The following LATS1 variants were observed in gnomAD, a reference collection of about 807,000 sequenced individuals.
The protein encoded by LATS1 is large tumor suppressor kinase 1, also known as serine/threonine-protein kinase LATS1.
Under a neutral mutation model 106.6 loss-of-function variants are expected in LATS1, and 25 were observed. The observed-to-expected ratio is 0.23, with a 90% CI of 0.17 to 0.33. The LOEUF is 0.33. Among genes scored for constraint, LATS1 ranks in the 10% least tolerant of loss-of-function variants. LATS1 has a pLI of 1.00. For missense variants in LATS1, 1,040 were observed against 1,382.6 expected (o/e 0.75, Z 3.93); for synonymous variants, 465 against 455.6 (o/e 1.02, Z -0.26).
chr6:149,673,061 T>C (rs1781525343), intron 7 of LATS1, among the ~76,000 whole-genome samples: 1 of 151,202 alleles, frequency 6.6e-6, no homozygotes, highest in African/African-American at 2.4e-5. Context: ...ATAGGGGAAG[T>C]TTTTATTTTT....
chr6:149,684,181 G>A lies in LATS1; in HGVS notation c.908C>T (p.Pro303Leu). ...PGAWQEGYPP[P>L]PLNTSPMNPP... is the part of the protein sequence containing the mutation. ...ATTCATGGGGGAAGTGTTGAGAGGT[G>A]GTGGAGGATAGCCCTCTTGCCATGC... The change falls in exon 4 of 8, where the codon CCA (proline) becomes CTA (leucine). Residue 303 changes from proline to leucine, a missense_variant. Physicochemically the swap from Pro to Leu is moderately conservative, Grantham distance 98. Around this residue, in one of 7 missense-constraint regions of LATS1, gnomAD observed 624 missense variants for 714.8 expected, o/e 0.87. Coordinates refer to ENST00000543571, the MANE Select transcript of LATS1 (RefSeq NM_004690.4). 8.1e-6 allele frequency: 13 copies of A among 1,614,216 alleles called. No individual in the cohort carries two copies. Among genetic ancestry groups the A allele is most frequent in the Non-Finnish European group, 1.1e-5 (13 of 1,180,046 alleles).
intron 7 of LATS1, chr6:149,675,864 CT>C (rs1562324777): frequency 6.1e-6 from 1 of 164,876 alleles, no homozygotes; most frequent in Non-Finnish European, 1.3e-5. Context: ...GCCTAAAGAC[CT>C]TTTTGAGAAT....
At chr6:149,694,673 C>T (rs759490233) in intron 3 of LATS1, among the ~76,000 whole-genome samples, 1 of 151,950 alleles carries the variant, frequency 6.6e-6, no homozygotes, top group Admixed American at 6.6e-5. Context: ...ACAAAATACA[C>T]CAAAATATTG....
At chr6:149,674,188 C>T (rs1781590450) in intron 7 of LATS1, among the ~76,000 whole-genome samples, 1 of 151,648 alleles carries the variant, frequency 6.6e-6, no homozygotes, top group Admixed American at 6.6e-5. Flanking sequence ...AATCCCCGTG[C>T]CTCAGCCTCC....
At chr6:149,679,837 TATG>T (rs1386553180) in intron 5 of LATS1, 35 bp downstream of exon 5, 1 of 1,383,604 alleles carries the variant, frequency 7.2e-7, no homozygotes, top group South Asian at 1.4e-5. Context: ...ATTACATTAT[TATG>T]AACAAACTAA....
chr6:149,693,874 G>A (rs1217314302), intron 3 of LATS1, among the ~76,000 whole-genome samples: 2 of 152,196 alleles, frequency 1.3e-5, no homozygotes, highest in East Asian at 3.9e-4. Flanking sequence ...CAGATCACTT[G>A]AGGTCAGGAG....
chr6:149,698,239 CT>C (rs36006005), intron 2 of LATS1, among the ~76,000 whole-genome samples: 7,239 of 146,138 alleles, frequency 0.05, 206 homozygotes, highest in Non-Finnish European at 0.057. Flanking sequence ...GAATGGGAGT[CT>C]TTTTTTTTTT....
At chr6:149,714,615 GA>G (rs201271275) in intron 1 of LATS1, among the ~76,000 whole-genome samples, 2 of 150,376 alleles carry the variant, frequency 1.3e-5, no homozygotes, top group African/African-American at 4.9e-5. Context: ...TTAAGAAGAA[GA>G]AAAAAAAACT....
At chr6:149,687,980 T>C (rs1480562598) in intron 3 of LATS1, among the ~76,000 whole-genome samples, 2 of 151,158 alleles carry the variant, frequency 1.3e-5, no homozygotes, top group Non-Finnish European at 2.9e-5. Context: ...GTTCACGCCA[T>C]TCTCCTGCCT....
chr6:149,669,129 GGATTGATT>G (rs887150277), intron 7 of LATS1, among the ~76,000 whole-genome samples: 1 of 151,456 alleles, frequency 6.6e-6, no homozygotes, highest in African/African-American at 2.4e-5. Context: ...GGCTGGATAA[GGATTGATT>G]GATTGATTGA....
chr6:149,666,345 C>T (rs542511882), intron 7 of LATS1, among the ~76,000 whole-genome samples: 12 of 151,426 alleles, frequency 7.9e-5, no homozygotes, highest in South Asian at 2.1e-4. Flanking sequence ...AGGCCGGGTG[C>T]GGTGGCTCAT....
chr6:149,702,222 A>C lies in LATS1; in HGVS notation c.-96T>G. The C allele has an allele frequency of 4.2e-6, 3 of 722,144 alleles. No homozygotes were observed. Among genetic ancestry groups the C allele is most frequent in the Non-Finnish European group, 7.0e-6 (3 of 430,858 alleles). The allele number at this position is 722,144 out of a possible 1,614,324, so 44.7% of individuals were successfully genotyped here. ...AAAAGTGAAAATGATCCTTCAAGGA[A>C]GTCCCCAGGACTGTTAAAATTCTTT... On this transcript the variant is annotated 5_prime_UTR_variant, in exon 2 of 8. Transcript: ENST00000543571.
At chr6:149,693,804 T>C (rs1000900628) in intron 3 of LATS1, among the ~76,000 whole-genome samples, 3 of 151,318 alleles carry the variant, frequency 2.0e-5, no homozygotes, top group Non-Finnish European at 4.4e-5. Flanking sequence ...AAATTGGTAC[T>C]ACTAGCTGGG....
intron 3 of LATS1, among the ~76,000 whole-genome samples, chr6:149,691,585 ACT>A (rs1782753090): frequency 6.6e-6 from 1 of 152,130 alleles, no homozygotes; most frequent in Non-Finnish European, 1.5e-5. Context: ...CTTCCAAAAC[ACT>A]GAAAACCTTA....
intron 2 of LATS1, among the ~76,000 whole-genome samples, chr6:149,700,826 C>A (rs768712579): frequency 6.6e-6 from 1 of 152,094 alleles, no homozygotes; most frequent in Admixed American, 6.6e-5. Flanking sequence ...TCTTGTTGAC[C>A]AGGCTGGAGT....
chr6:149,717,802 A>C (rs1013991263), intron 1 of LATS1, 47 bp downstream of exon 1: 8 of 277,674 alleles, frequency 2.9e-5, no homozygotes, highest in African/African-American at 4.7e-5. Flanking sequence ...CGCCCCGCCA[A>C]CTCGAGCACT....
chr6:149,669,383 T>C (rs867253854), intron 7 of LATS1, among the ~76,000 whole-genome samples: 1 of 142,354 alleles, frequency 7.0e-6, no homozygotes, highest in Non-Finnish European at 1.5e-5. Context: ...TCTACCTGCC[T>C]TGGCCTCCCA....
intron 7 of LATS1, among the ~76,000 whole-genome samples, chr6:149,667,556 G>C (rs529094556): frequency 5.3e-5 from 8 of 151,232 alleles, no homozygotes; most frequent in Non-Finnish European, 8.8e-5. Flanking sequence ...AGAACTTCAG[G>C]AATCTGTGGG....
chr6:149,683,044 TTAAGTA>T (rs2114813060), intron 4 of LATS1, 29 bp downstream of exon 4: 1 of 1,522,294 alleles, frequency 6.6e-7, no homozygotes, highest in Admixed American at 1.9e-5. Flanking sequence ...AAACAGATGA[TTAAGTA>T]TAAAAATGGA....
Sources: gnomAD v4.1 joint callset for allele counts (sites outside exome capture counted in the v4.1 genomes callset) on GRCh38, gnomAD v4.1.1 for gene constraint, gnomAD v4.1.1 regional missense constraint, MANE v1.5 for transcripts, NCBI Gene and HGNC (gene_info 2026-07-23, HGNC 2026-07-21) for gene names.